The following NRG3 variants were observed in gnomAD, a reference collection of about 807,000 sequenced individuals.
NRG3 encodes the protein pro-neuregulin-3, membrane-bound isoform.
NRG3 carries 31 observed loss-of-function variants against 66.9 expected under a neutral mutation model. The ratio of observed to expected loss-of-function variants is 0.46; its 90% CI spans 0.35 to 0.63. The LOEUF (loss-of-function observed/expected upper bound fraction) is 0.63. Among genes scored for constraint, NRG3 ranks in the 20% least tolerant of loss-of-function variants. The probability of loss-of-function intolerance (pLI) is 0.00; values close to 1 mark genes in which losing one functional copy is unlikely to be tolerated. For missense variants in NRG3, 910 were observed against 878.9 expected (o/e 1.04, Z -0.45); for synonymous variants, 393 against 359.4 (o/e 1.09, Z -1.06).
At chr10:82,596,419 GGGTAACTTC>G (rs1188331885) in intron 2 of NRG3, among the ~76,000 whole-genome samples, 2 of 152,112 alleles carry the variant, frequency 1.3e-5, no homozygotes, top group Non-Finnish European at 2.9e-5. Flanking sequence ...CAGAGACTCT[GGGTAACTTC>G]GGTGTCTGCA....
intron 1 of NRG3, among the ~76,000 whole-genome samples, chr10:81,926,941 G>A (rs1234941667): frequency 6.6e-6 from 1 of 152,186 alleles, no homozygotes; most frequent in Admixed American, 6.5e-5. Flanking sequence ...GTAAGATAAA[G>A]TGCATAAAGG....
At chr10:82,328,020 G>A (rs899100253) in intron 1 of NRG3, among the ~76,000 whole-genome samples, 1 of 152,128 alleles carries the variant, frequency 6.6e-6, no homozygotes, top group Non-Finnish European at 1.5e-5. Context: ...TAAAGGTCCT[G>A]TCTCCAAAAA....
At chr10:82,256,714 A>G (rs180877831) in intron 1 of NRG3, among the ~76,000 whole-genome samples, 1 of 152,340 alleles carries the variant, frequency 6.6e-6, no homozygotes, top group Non-Finnish European at 1.5e-5. Flanking sequence ...TTCTAACTTT[A>G]CAAAATAAGG....
At chr10:82,620,634 G>A (rs915317781) in intron 2 of NRG3, among the ~76,000 whole-genome samples, 3 of 152,114 alleles carry the variant, frequency 2.0e-5, no homozygotes, top group African/African-American at 4.8e-5. Flanking sequence ...TTTTGGAAAA[G>A]GCAACATTCT....
At chr10:82,745,321 T>C (rs1200318488) in intron 3 of NRG3, among the ~76,000 whole-genome samples, 1 of 152,122 alleles carries the variant, frequency 6.6e-6, no homozygotes, top group Admixed American at 6.5e-5. Flanking sequence ...GAAGGACATT[T>C]CCATGAATAA....
chr10:82,090,757 A>G (rs28421884), intron 1 of NRG3, among the ~76,000 whole-genome samples: 1 of 131,914 alleles, frequency 7.6e-6, no homozygotes, highest in African/African-American at 2.8e-5. Context: ...TTTGAACTCT[A>G]TATCTGAAAT....
rs115965150 is a variant in NRG3, at chr10:82,320,662, A to G, written c.824-38077A>G. 3.1e-3 allele frequency among the ~76,000 whole-genome samples: 469 copies of G among 152,296 alleles called. 2 individuals carry two copies. Among genetic ancestry groups the G allele is most frequent in the African/African-American group, 0.011 (450 of 41,574 alleles). ...TATGTACACTAGCCAGAAACAGGGT[A>G]GCAGGTCTGGGGTAGAGACAGAGGT... is the stretch of plus-strand genomic sequence containing the variant. On this transcript the variant is annotated intron_variant, in intron 1 of 8. Transcript: ENST00000372141.
intron 2 of NRG3, among the ~76,000 whole-genome samples, chr10:82,714,779 CTA>C (rs1231922408): frequency 1.3e-5 from 2 of 152,100 alleles, no homozygotes; most frequent in Non-Finnish European, 2.9e-5. Flanking sequence ...TAACTTTTAA[CTA>C]TGTTTGAATG....
chr10:82,185,341 G>A (rs916909516), intron 1 of NRG3, among the ~76,000 whole-genome samples: 3 of 152,144 alleles, frequency 2.0e-5, no homozygotes, highest in African/African-American at 7.2e-5. Flanking sequence ...CATTAAGTAA[G>A]TAGTTTTGCT....
At chr10:82,281,649 A>G (rs1487069876) in intron 1 of NRG3, among the ~76,000 whole-genome samples, 1 of 152,102 alleles carries the variant, frequency 6.6e-6, no homozygotes, top group Admixed American at 6.6e-5. Flanking sequence ...CTGACAGTGA[A>G]TCTAAATTCC....
At chr10:82,030,854 A>G (rs750065748) in intron 1 of NRG3, among the ~76,000 whole-genome samples, 1 of 152,120 alleles carries the variant, frequency 6.6e-6, no homozygotes, top group African/African-American at 2.4e-5. Flanking sequence ...AATGAGCTCA[A>G]TTCACTAGGA....
At chr10:82,937,096 A>G (rs1384383076) in intron 4 of NRG3, among the ~76,000 whole-genome samples, 2 of 152,194 alleles carry the variant, frequency 1.3e-5, no homozygotes, top group Non-Finnish European at 2.9e-5. Flanking sequence ...CACTCTTTTA[A>G]TTCTTCATTT....
intron 2 of NRG3, among the ~76,000 whole-genome samples, chr10:82,470,953 C>T (rs1841194939): frequency 6.6e-6 from 1 of 152,150 alleles, no homozygotes; most frequent in Admixed American, 6.5e-5. Context: ...CTGGTTCTCC[C>T]AGGGGCCTGG....
At chr10:82,392,566 G>C (rs2086451479) in intron 2 of NRG3, among the ~76,000 whole-genome samples, 1 of 152,170 alleles carries the variant, frequency 6.6e-6, no homozygotes, top group South Asian at 2.1e-4. Context: ...AATAGGCTAA[G>C]AGCATTAAAA....
At chr10:82,397,933 G>A (rs1176447377) in intron 2 of NRG3, among the ~76,000 whole-genome samples, 2 of 152,118 alleles carry the variant, frequency 1.3e-5, no homozygotes, top group Admixed American at 6.6e-5. Context: ...GGCTTTGGGG[G>A]CATCTGCTGT....
intron 2 of NRG3, among the ~76,000 whole-genome samples, chr10:82,502,428 G>A (rs1400206522): frequency 2.6e-5 from 4 of 152,162 alleles, no homozygotes; most frequent in South Asian, 4.1e-4. Flanking sequence ...AGGCTTTATT[G>A]CAGGGGCAAA....
chr10:82,863,049 G>A (rs1050291151), intron 3 of NRG3, among the ~76,000 whole-genome samples: 4 of 151,818 alleles, frequency 2.6e-5, no homozygotes, highest in African/African-American at 4.8e-5. Context: ...TGTGATGTTC[G>A]CCTCCCTGTG....
chr10:82,685,826 A>G (rs150787206), intron 2 of NRG3, among the ~76,000 whole-genome samples: 108 of 152,170 alleles, frequency 7.1e-4, no homozygotes, highest in African/African-American at 2.4e-3. Context: ...TTTTTCTTAA[A>G]AGCTGAGATA....
At chr10:82,509,974 G>T (rs557380036) in intron 2 of NRG3, among the ~76,000 whole-genome samples, 60 of 152,100 alleles carry the variant, frequency 3.9e-4, no homozygotes, top group African/African-American at 1.3e-3. Context: ...CGCAGACAAG[G>T]TTACTTCTCC....
Sources: gnomAD v4.1 joint callset for allele counts (sites outside exome capture counted in the v4.1 genomes callset) on GRCh38, gnomAD v4.1.1 for gene constraint, MANE v1.5 for transcripts, NCBI Gene and HGNC (gene_info 2026-07-23, HGNC 2026-07-21) for gene names.